SASH1: variants seen among roughly 807,000 people sequenced by gnomAD.
SASH1 encodes SAM and SH3 domain-containing protein 1.
SASH1 carries 44 observed loss-of-function variants against 125.2 expected under a neutral mutation model. The ratio of observed to expected loss-of-function variants is 0.35; its 90% CI spans 0.28 to 0.45. The LOEUF is 0.45. SASH1 is among the 20% of genes least tolerant of loss of function. The pLI, the probability that SASH1 is intolerant of heterozygous loss-of-function variation, is 1.00. For missense variants in SASH1, 1,426 were observed against 1,614.5 expected, an observed-to-expected ratio of 0.88 and a Z score of 2.00; for synonymous variants, 639 against 649.1, an observed-to-expected ratio of 0.98 and a Z score of 0.24.
intron 8 of SASH1, chr6:148,513,904 G>C: frequency 1.0e-6 from 1 of 986,786 alleles, no homozygotes; most frequent in Non-Finnish European, 1.2e-6. Flanking sequence ...GTTTGGAGAA[G>C]TAGTTGATGA....
At chr6:148,200,888 A>G in the SASH1 span, among the ~76,000 whole-genome samples, 1 of 152,144 alleles carries the variant, frequency 6.6e-6, no homozygotes, top group East Asian at 1.9e-4. Context: ...CAAAGAAATT[A>G]TACCTCTGTG....
chr6:148,442,489 C>T (rs1238000836), intron 4 of SASH1, among the ~76,000 whole-genome samples: 1 of 151,962 alleles, frequency 6.6e-6, no homozygotes, highest in Non-Finnish European at 1.5e-5. Flanking sequence ...ACGTGGGCCA[C>T]CAGTTGTTGA....
intron 1 of SASH1, among the ~76,000 whole-genome samples, chr6:148,301,545 C>T (rs532438729): frequency 1.3e-5 from 2 of 151,800 alleles, no homozygotes; most frequent in African/African-American, 2.4e-5. Flanking sequence ...GGATTACAGG[C>T]GTGAGCCACT....
At chr6:148,390,745 G>A (rs574866158) in intron 2 of SASH1, among the ~76,000 whole-genome samples, 6 of 150,660 alleles carry the variant, frequency 4.0e-5, no homozygotes, top group South Asian at 2.1e-4. Flanking sequence ...CCAAGATCAC[G>A]CCACTGCACT....
rs767240995 is a variant in SASH1, at chr6:148,533,092, C to T, written c.1734+126C>T. ...AGACTGGACAGTATCTTGGCTACCTCGATCACTGGTCTCCTCTGTAGTGAA... is the reference window on the plus strand; with the variant it reads ...AGACTGGACAGTATCTTGGCTACCTTGATCACTGGTCTCCTCTGTAGTGAA... On this transcript the variant is annotated intron_variant, in intron 14 of 19. Transcript: ENST00000367467. The surrounding 1 kb of genome is among the most constrained non-coding windows in gnomAD (Gnocchi z 6.2). The T allele has an allele frequency of 5.9e-6, 6 of 1,018,318 alleles. No homozygotes were observed. The highest frequency in any genetic ancestry group is 1.5e-5 in the South Asian group (1 of 65,926). 63.1% of individuals were successfully genotyped at this position (1,018,318 alleles called of 1,614,324 possible). A position where few individuals can be genotyped will look rare whatever the true frequency, so the allele number is the denominator to read the frequency against.
At chr6:148,339,491 T>A (rs2114621656), upstream of SASH1, among the ~76,000 whole-genome samples, 1 of 151,694 alleles carries the variant, frequency 6.6e-6, no homozygotes, top group South Asian at 2.1e-4. Flanking sequence ...CTGGCTAAGG[T>A]TTAATTATAT....
chr6:148,367,601 G>A (rs1423502785), intron 1 of SASH1, among the ~76,000 whole-genome samples: 2 of 152,214 alleles, frequency 1.3e-5, no homozygotes, highest in Admixed American at 1.3e-4. Context: ...GTGATGACAC[G>A]CAGCCCTCCT....
intron 1 of SASH1, among the ~76,000 whole-genome samples, chr6:148,286,294 G>GGGAGGC (rs1779480826): frequency 6.6e-6 from 1 of 151,956 alleles, no homozygotes; most frequent in African/African-American, 2.4e-5. Flanking sequence ...CCAGCTACTC[G>GGGAGGC]GGAGGCAGAG....
intron 4 of SASH1, among the ~76,000 whole-genome samples, chr6:148,461,991 C>A (rs1216807670): frequency 6.6e-6 from 1 of 152,132 alleles, no homozygotes; most frequent in South Asian, 2.1e-4. Flanking sequence ...CCCTGCCTCC[C>A]CCTGTACATG....
chr6:148,245,440 C>A, the SASH1 span, among the ~76,000 whole-genome samples: 2 of 152,260 alleles, frequency 1.3e-5, no homozygotes, highest in South Asian at 4.1e-4. Flanking sequence ...CTTTGAGATA[C>A]AAAAGGTCAA....
chr6:148,470,201 T>C (rs1006253485), intron 5 of SASH1, among the ~76,000 whole-genome samples: 2 of 152,356 alleles, frequency 1.3e-5, no homozygotes, highest in South Asian at 2.1e-4. Context: ...AAACTTGCCA[T>C]GAAGCTCTGT....
At chr6:148,432,517 G>A (rs911350914) in intron 2 of SASH1, among the ~76,000 whole-genome samples, 3 of 152,340 alleles carry the variant, frequency 2.0e-5, no homozygotes, top group African/African-American at 7.2e-5. Context: ...GTAGTAGCAT[G>A]TGGCATTTTA....
At chr6:148,397,258 A>T (rs535584071) in intron 2 of SASH1, among the ~76,000 whole-genome samples, 17 of 152,194 alleles carry the variant, frequency 1.1e-4, no homozygotes, top group African/African-American at 4.1e-4. Context: ...AGGCACGTGG[A>T]TCACCTGAGG....
In SASH1 at chr6:148,391,132, G is replaced by A. The variant is rs150287677; in HGVS notation, c.285+870G>A. Among the ~76,000 whole-genome samples, 205 of 148,074 alleles carry A rather than the reference G, an allele frequency of 1.4e-3. 1 individual carries two copies. In the East Asian group the frequency reaches 0.022, roughly 16 times the overall value. On this transcript the variant is annotated intron_variant, in intron 2 of 19. Coordinates refer to ENST00000367467, the MANE Select transcript of SASH1 (RefSeq NM_015278.5). ...ACACTCTTTTTTTTTTTTTTGAGAC[G>A]GAGTTTCTCTCTTGTCCCCCAGGCT...
At chr6:148,442,520 TTCTC>T (rs149857765) in intron 4 of SASH1, among the ~76,000 whole-genome samples, 2 of 150,410 alleles carry the variant, frequency 1.3e-5, no homozygotes, top group South Asian at 2.1e-4. Context: ...CTCCTGAGCT[TTCTC>T]TCTCTCTCTC....
chr6:148,206,793 GCACACACACA>G, the SASH1 span, among the ~76,000 whole-genome samples: 4 of 134,460 alleles, frequency 3.0e-5, no homozygotes, highest in South Asian at 2.6e-4. Flanking sequence ...CCATCTCAAA[GCACACACACA>G]CACACACACA....
the SASH1 span, among the ~76,000 whole-genome samples, chr6:148,262,328 G>A: frequency 1.3e-5 from 2 of 152,160 alleles, no homozygotes; most frequent in African/African-American, 4.8e-5. Context: ...CCCTCATGCA[G>A]AGGAGAACCC....
the SASH1 span, among the ~76,000 whole-genome samples, chr6:148,253,615 G>A: frequency 6.6e-6 from 1 of 152,202 alleles, no homozygotes; most frequent in Admixed American, 6.5e-5. Flanking sequence ...GCTGATGCCT[G>A]TAATCCCAGC....
intron 1 of SASH1, among the ~76,000 whole-genome samples, chr6:148,382,956 T>C (rs1429879599): frequency 1.3e-5 from 2 of 152,230 alleles, no homozygotes; most frequent in African/African-American, 2.4e-5. Flanking sequence ...GTTAAAACTT[T>C]TTCCTGAGAC....
Sources: allele counts gnomAD v4.1 joint callset (sites outside exome capture counted in the v4.1 genomes callset), GRCh38; gene constraint gnomAD v4.1.1; non-coding constraint Gnocchi (gnomAD v3.1); transcripts MANE v1.5; gene names NCBI Gene and HGNC (gene_info 2026-07-23, HGNC 2026-07-21).